Variants in RECK observed in about 807,000 individuals in gnomAD.
RECK encodes the protein reversion-inducing cysteine-rich protein with Kazal motifs.
RECK carries 69 observed loss-of-function variants against 115.1 expected under a neutral mutation model. That is an observed-to-expected ratio of 0.60 (90% CI 0.49 to 0.73). The LOEUF (loss-of-function observed/expected upper bound fraction) is 0.73. Among genes scored for constraint, RECK ranks in the 30% least tolerant of loss-of-function variants. The probability of loss-of-function intolerance (pLI) is 0.00; values close to 1 mark genes in which losing one functional copy is unlikely to be tolerated. For missense variants in RECK, 1,047 were observed against 1,203.7 expected, an observed-to-expected ratio of 0.87 and a Z score of 1.93; for synonymous variants, 414 against 419.7, an observed-to-expected ratio of 0.99 and a Z score of 0.17.
At chr9:36,109,935 A>G (rs750359317) in intron 14 of RECK, 22 bp from the exon 15 acceptor site, 3 of 1,592,860 alleles carry the variant, frequency 1.9e-6, no homozygotes, top group East Asian at 2.2e-5. Flanking sequence ...ATAGATCAAC[A>G]TTTTCTTTCT....
At chr9:36,041,666 GAC>G (rs1820870700) in intron 1 of RECK, among the ~76,000 whole-genome samples, 1 of 152,000 alleles carries the variant, frequency 6.6e-6, no homozygotes, top group Non-Finnish European at 1.5e-5. Context: ...AACCAAGACT[GAC>G]AGGAAATTAG....
intron 18 of RECK, 122 bp from the exon 19 acceptor site, chr9:36,120,541 A>G: frequency 1.4e-6 from 1 of 723,272 alleles, no homozygotes; most frequent in South Asian, 1.8e-5. Context: ...ATGAAGGTAC[A>G]GTCTTTGGGA....
intron 10 of RECK, among the ~76,000 whole-genome samples, chr9:36,093,583 T>C (rs907231928): frequency 3.3e-5 from 5 of 152,160 alleles, no homozygotes; most frequent in African/African-American, 9.7e-5. Context: ...CCTCGGAGAT[T>C]GCTCAATAGA....
intron 2 of RECK, among the ~76,000 whole-genome samples, chr9:36,058,423 A>G (rs1275100920): frequency 7.6e-6 from 1 of 131,158 alleles, no homozygotes; most frequent in Non-Finnish European, 1.6e-5. Flanking sequence ...AACACCGCAT[A>G]TTCTCACTCA....
intron 9 of RECK, 75 bp downstream of exon 9, chr9:36,088,036 G>T: frequency 9.0e-7 from 1 of 1,108,030 alleles, no homozygotes; most frequent in Non-Finnish European, 1.3e-6. Flanking sequence ...CCTAGCAAAC[G>T]TGTGTTATAT....
intron 13 of RECK, among the ~76,000 whole-genome samples, chr9:36,107,105 CAA>C (rs34425685): frequency 0.015 from 1,217 of 82,404 alleles, 7 homozygotes; most frequent in African/African-American, 0.049. Context: ...GACTCCGTCT[CAA>C]AAAAAAAAAA....
intron 10 of RECK, among the ~76,000 whole-genome samples, chr9:36,095,921 A>AG: frequency 6.8e-6 from 1 of 147,770 alleles, no homozygotes; most frequent in Admixed American, 6.7e-5. Context: ...AAATACAAAA[A>AG]AAAAATTAGC....
intron 1 of RECK, among the ~76,000 whole-genome samples, chr9:36,046,274 A>T (rs763383546): frequency 3.9e-5 from 6 of 152,196 alleles, no homozygotes; most frequent in Non-Finnish European, 7.4e-5. Context: ...GTATTGTAAT[A>T]GTTGAATGAC....
intron 9 of RECK, among the ~76,000 whole-genome samples, chr9:36,088,853 A>G (rs142661409): frequency 0.013 from 1,953 of 152,320 alleles, 18 homozygotes; most frequent in Admixed American, 0.019. Context: ...CCCTGTCTCT[A>G]CTAAAAAATA....
intron 8 of RECK, among the ~76,000 whole-genome samples, chr9:36,083,867 T>A (rs756194860): frequency 5.9e-5 from 9 of 152,186 alleles, no homozygotes; most frequent in Non-Finnish European, 1.2e-4. Flanking sequence ...CATAAGCTTC[T>A]GATCTAGCAG....
At chr9:36,063,707 A>T in intron 4 of RECK, 88 bp from the exon 5 acceptor site, 2 of 1,229,300 alleles carry the variant, frequency 1.6e-6, no homozygotes, top group Non-Finnish European at 2.4e-6. Flanking sequence ...AGCTGCTTTG[A>T]CTTTTAGTAG....
intron 2 of RECK, among the ~76,000 whole-genome samples, chr9:36,058,165 A>G (rs953549115): frequency 7.9e-5 from 12 of 152,072 alleles, no homozygotes; most frequent in African/African-American, 2.9e-4. Context: ...ATATACCCAA[A>G]GGACTATAAA....
At chr9:36,088,580 G>A (rs951485723) in intron 9 of RECK, among the ~76,000 whole-genome samples, 5 of 152,122 alleles carry the variant, frequency 3.3e-5, no homozygotes, top group Admixed American at 6.6e-5. Flanking sequence ...CATGTTACTC[G>A]GATATCCTGA....
chr9:36,106,988 C>T, intron 13 of RECK, among the ~76,000 whole-genome samples: 1 of 151,478 alleles, frequency 6.6e-6, no homozygotes. Flanking sequence ...CACCTGTAGT[C>T]CCAGATACTC....
intron 8 of RECK, chr9:36,086,065 C>G (rs73648709): frequency 7.8e-4 from 119 of 152,238 alleles, no homozygotes; most frequent in African/African-American, 2.7e-3. Context: ...CAGATATGCA[C>G]AGATTTCTTC....
intron 7 of RECK, among the ~76,000 whole-genome samples, chr9:36,082,269 C>T (rs772745605): frequency 6.6e-6 from 1 of 151,478 alleles, no homozygotes; most frequent in African/African-American, 2.4e-5. Flanking sequence ...CTGCAACCTC[C>T]GCCTCCTGGG....
chr9:36,043,106 G>A (rs953313791), intron 1 of RECK, among the ~76,000 whole-genome samples: 1 of 126,770 alleles, frequency 7.9e-6, no homozygotes, highest in Non-Finnish European at 1.6e-5. Flanking sequence ...CTCACTGCAA[G>A]CTCCGCCTCC....
At chr9:36,082,952 T>C in intron 7 of RECK, among the ~76,000 whole-genome samples, 1 of 152,214 alleles carries the variant, frequency 6.6e-6, no homozygotes, top group Non-Finnish European at 1.5e-5. Flanking sequence ...TCTACAAATC[T>C]AACACAGAAA....
intron 16 of RECK, among the ~76,000 whole-genome samples, chr9:36,114,996 T>C (rs1824204417): frequency 6.6e-6 from 1 of 152,136 alleles, no homozygotes; most frequent in South Asian, 2.1e-4. Flanking sequence ...AGTTTCACCA[T>C]GGGCTTGTAT....
Sources: gnomAD v4.1 joint callset for allele counts (sites outside exome capture counted in the v4.1 genomes callset) on GRCh38, gnomAD v4.1.1 for gene constraint, MANE v1.5 for transcripts, NCBI Gene and HGNC (gene_info 2026-07-23, HGNC 2026-07-21) for gene names.